The following NAALADL2 variants were observed in gnomAD, a reference collection of about 807,000 sequenced individuals.
NAALADL2 encodes N-acetylated alpha-linked acidic dipeptidase like 2.
NAALADL2 carries 76 observed loss-of-function variants against 87.2 expected under a neutral mutation model. That is an observed-to-expected ratio of 0.87 (90% CI 0.72 to 1.05). NAALADL2 has a LOEUF of 1.05. NAALADL2 is among the 50% of genes least tolerant of loss of function. The pLI is 0.00. For synonymous variants in NAALADL2, 354 were observed against 331.0 expected, an observed-to-expected ratio of 1.07 and a Z score of -0.75; for missense variants, 1,089 against 945.8, an observed-to-expected ratio of 1.15 and a Z score of -1.99.
chr3:175,120,903 A>G (rs115224480), intron 2 of NAALADL2, among the ~76,000 whole-genome samples: 15 of 151,942 alleles, frequency 9.9e-5, no homozygotes, highest in East Asian at 5.8e-4. Context: ...TAAGAAATCA[A>G]TCATTCAACA....
chr3:175,374,871 CGCAAATAAATAAATAA>C (rs1199032251), intron 5 of NAALADL2, among the ~76,000 whole-genome samples: 3 of 142,998 alleles, frequency 2.1e-5, no homozygotes, highest in African/African-American at 7.9e-5. Context: ...GAGACCCTGT[CGCAAATAAATAAATAA>C]ATAAATAAAT....
At chr3:174,553,267 G>A (rs575782492) in intron 2 of NAALADL2, among the ~76,000 whole-genome samples, 5 of 152,230 alleles carry the variant, frequency 3.3e-5, no homozygotes, top group Admixed American at 2.0e-4. Context: ...AAGCATAAGT[G>A]CAATGACATG....
intron 5 of NAALADL2, among the ~76,000 whole-genome samples, chr3:175,341,596 G>A (rs1465678060): frequency 6.6e-6 from 1 of 152,066 alleles, no homozygotes; most frequent in African/African-American, 2.4e-5. Context: ...GTTTTCTATA[G>A]AGGATGCACT....
chr3:174,604,235 T>C (rs1157484518), intron 2 of NAALADL2, among the ~76,000 whole-genome samples: 3 of 152,198 alleles, frequency 2.0e-5, no homozygotes, highest in Non-Finnish European at 2.9e-5. Flanking sequence ...ACTTTATATA[T>C]CTAGGTGATT....
At chr3:175,258,080 G>A (rs895870963) in intron 4 of NAALADL2, among the ~76,000 whole-genome samples, 1 of 152,018 alleles carries the variant, frequency 6.6e-6, no homozygotes, top group Non-Finnish European at 1.5e-5. Context: ...AGGCCGAGGT[G>A]GGCAGAGCAC....
intron 13 of NAALADL2, among the ~76,000 whole-genome samples, chr3:175,774,155 C>T (rs1318111282): frequency 1.3e-5 from 2 of 152,030 alleles, no homozygotes. Context: ...AACATGACCA[C>T]TTATCTTTAC....
chr3:175,071,318 T>C (rs375826892), intron 1 of NAALADL2, among the ~76,000 whole-genome samples: 8 of 152,284 alleles, frequency 5.3e-5, no homozygotes, highest in African/African-American at 1.4e-4. Flanking sequence ...ATAGGTCATG[T>C]ATTCCTTTAC....
chr3:174,710,091 C>G (rs1271090903), intron 2 of NAALADL2, among the ~76,000 whole-genome samples: 1 of 152,110 alleles, frequency 6.6e-6, no homozygotes, highest in East Asian at 1.9e-4. Context: ...TCGGTGTATA[C>G]TGTCTCCTAG....
At chr3:175,319,128 G>T (rs1759522949) in intron 4 of NAALADL2, among the ~76,000 whole-genome samples, 1 of 152,208 alleles carries the variant, frequency 6.6e-6, no homozygotes, top group African/African-American at 2.4e-5. Flanking sequence ...CTTAAATGCA[G>T]CTCTCTCATT....
intron 5 of NAALADL2, among the ~76,000 whole-genome samples, chr3:175,429,881 A>C (rs1178649655): frequency 6.6e-6 from 1 of 152,032 alleles, no homozygotes; most frequent in African/African-American, 2.4e-5. Flanking sequence ...TAAGTAAAAG[A>C]AAGTATAATA....
intron 2 of NAALADL2, among the ~76,000 whole-genome samples, chr3:175,150,873 C>T (rs1731443327): frequency 6.6e-6 from 1 of 152,148 alleles, no homozygotes; most frequent in Non-Finnish European, 1.5e-5. Flanking sequence ...TGCCTGCCCT[C>T]CTGTAGTTTA....
intron 9 of NAALADL2, among the ~76,000 whole-genome samples, chr3:175,484,304 T>C (rs755336822): frequency 6.6e-6 from 1 of 152,136 alleles, no homozygotes; most frequent in Admixed American, 6.6e-5. Flanking sequence ...ACTGAAAATA[T>C]CTGTTTTTGA....
chr3:175,199,035 T>C (rs912170515), intron 2 of NAALADL2, among the ~76,000 whole-genome samples: 5 of 152,154 alleles, frequency 3.3e-5, no homozygotes, highest in Admixed American at 2.6e-4. Flanking sequence ...TTTCAATAAA[T>C]AGTTTTAAGT....
chr3:175,245,271 T>C (rs542631759), intron 3 of NAALADL2, among the ~76,000 whole-genome samples: 151 of 152,328 alleles, frequency 9.9e-4, no homozygotes, highest in African/African-American at 3.3e-3. Context: ...GTACTATTTA[T>C]TAAATTCTGG....
chr3:174,453,205 T>C (rs535590300), intron 1 of NAALADL2, among the ~76,000 whole-genome samples: 2 of 152,184 alleles, frequency 1.3e-5, no homozygotes, highest in South Asian at 4.1e-4. Flanking sequence ...ACTGGCTTTC[T>C]GAAATAAGAC....
intron 9 of NAALADL2, among the ~76,000 whole-genome samples, chr3:175,476,508 A>G (rs573973055): frequency 7.2e-5 from 11 of 152,300 alleles, no homozygotes; most frequent in Admixed American, 7.2e-4. Flanking sequence ...AACTGAGTGG[A>G]CTCAGAATCT....
intron 2 of NAALADL2, among the ~76,000 whole-genome samples, chr3:174,629,265 T>G (rs183763133): frequency 6.6e-6 from 1 of 152,300 alleles, no homozygotes; most frequent in African/African-American, 2.4e-5. Flanking sequence ...AGTCTGTAGT[T>G]GATTAATTCG....
At chr3:175,242,834 A>C (rs1747182385) in intron 3 of NAALADL2, among the ~76,000 whole-genome samples, 1 of 152,160 alleles carries the variant, frequency 6.6e-6, no homozygotes, top group East Asian at 1.9e-4. Flanking sequence ...TGGCATTTAA[A>C]ATTGCTTGGC....
chr3:174,592,467 T>A (rs961772492), intron 2 of NAALADL2, among the ~76,000 whole-genome samples: 1 of 152,118 alleles, frequency 6.6e-6, no homozygotes, highest in Non-Finnish European at 1.5e-5. Context: ...GTAATTAGAA[T>A]CAGTAGTTAG....
Sources: gnomAD v4.1 joint callset for allele counts (sites outside exome capture counted in the v4.1 genomes callset) on GRCh38, gnomAD v4.1.1 for gene constraint, MANE v1.5 for transcripts, NCBI Gene and HGNC (gene_info 2026-07-23, HGNC 2026-07-21) for gene names.